The following IGFL2 variants were observed in gnomAD, a reference collection of about 807,000 sequenced individuals.
IGFL2 encodes insulin growth factor-like family member 2.
Under a neutral mutation model 13.9 loss-of-function variants are expected in IGFL2, and 7 were observed. The ratio of observed to expected loss-of-function variants is 0.51; its 90% CI spans 0.29 to 0.95. The LOEUF (loss-of-function observed/expected upper bound fraction) is 0.95, where lower values mean the gene tolerates loss of function less well. Among genes scored for constraint, IGFL2 ranks in the 40% least tolerant of loss-of-function variants. IGFL2 has a pLI of 0.08. For synonymous variants in IGFL2, 55 were observed against 55.8 expected, an observed-to-expected ratio of 0.99 and a Z score of 0.07; for missense variants, 138 against 147.8, an observed-to-expected ratio of 0.93 and a Z score of 0.34.
chr19:46,145,600 A>G (rs2111515), upstream of IGFL2, among the ~76,000 whole-genome samples: 14,481 of 94,258 alleles, frequency 0.15, 1,088 homozygotes, highest in African/African-American at 0.24. Context: ...ACTCATATAT[A>G]TGTGTGTGTG....
chr19:46,161,000 A>T, intron 3 of IGFL2, 70 bp from the exon 4 acceptor site: 4 of 1,541,878 alleles, frequency 2.6e-6, no homozygotes, highest in Non-Finnish European at 3.6e-6. Flanking sequence ...AATCTCTAGC[A>T]GTTTCTCAAA....
At chr19:46,131,818 A>G in the IGFL2 span, among the ~76,000 whole-genome samples, 2 of 152,274 alleles carry the variant, frequency 1.3e-5, no homozygotes, top group South Asian at 4.1e-4. Context: ...CTATGCTTGT[A>G]GTCTCAGCTA....
chr19:46,170,303 T>G, the IGFL2 span, among the ~76,000 whole-genome samples: 4 of 152,174 alleles, frequency 2.6e-5, no homozygotes, highest in Non-Finnish European at 5.9e-5. Context: ...GAACATAAAT[T>G]GTGAAGATTT....
the IGFL2 span, among the ~76,000 whole-genome samples, chr19:46,089,134 T>C: frequency 0.011 from 1,666 of 152,324 alleles, 22 homozygotes; most frequent in African/African-American, 0.036. Flanking sequence ...TTTATTTTTG[T>C]GTTTTTATCT....
chr19:46,163,639 G>T (rs1315294165), downstream of IGFL2, among the ~76,000 whole-genome samples: 1 of 152,200 alleles, frequency 6.6e-6, no homozygotes, highest in African/African-American at 2.4e-5. Context: ...TGGCAGAGGG[G>T]CTTTCAGATG....
intron 1 of IGFL2, among the ~76,000 whole-genome samples, chr19:46,157,451 A>G (rs1213165430): frequency 6.6e-6 from 1 of 152,250 alleles, no homozygotes; most frequent in Non-Finnish European, 1.5e-5. Flanking sequence ...GGCTTATTCC[A>G]GAATGTAAGC....
At chr19:46,099,966 C>G in the IGFL2 span, among the ~76,000 whole-genome samples, 4 of 152,162 alleles carry the variant, frequency 2.6e-5, no homozygotes, top group African/African-American at 9.7e-5. Flanking sequence ...TGTTCTTCAG[C>G]TCCATCGGGT....
the IGFL2 span, among the ~76,000 whole-genome samples, chr19:46,167,709 T>C: frequency 6.6e-6 from 1 of 152,196 alleles, no homozygotes; most frequent in Non-Finnish European, 1.5e-5. Flanking sequence ...GTGGAGCCTC[T>C]AAGGAAGTGC....
At chr19:46,148,089 C>T (rs1973236205), upstream of IGFL2, among the ~76,000 whole-genome samples, 1 of 152,192 alleles carries the variant, frequency 6.6e-6, no homozygotes, top group Non-Finnish European at 1.5e-5. Context: ...GGTCCAGGAA[C>T]ATCTTACTAA....
chr19:46,211,986 A>G, the IGFL2 span: 2 of 152,216 alleles, frequency 1.3e-5, no homozygotes, highest in East Asian at 1.9e-4. Context: ...CACAGTTCCA[A>G]TAAGAGTGTC....
the IGFL2 span, among the ~76,000 whole-genome samples, chr19:46,194,427 CTT>C: frequency 6.6e-6 from 1 of 152,084 alleles, no homozygotes; most frequent in African/African-American, 2.4e-5. Flanking sequence ...AGTCTTCTGA[CTT>C]TGTTTATTTT....
downstream of IGFL2, among the ~76,000 whole-genome samples, chr19:46,161,744 A>G (rs1454909467): frequency 1.3e-5 from 2 of 152,176 alleles, no homozygotes; most frequent in Non-Finnish European, 2.9e-5. Flanking sequence ...AAGACAGCAT[A>G]CCATTGGGTC....
At chr19:46,090,375 C>T in the IGFL2 span, among the ~76,000 whole-genome samples, 1 of 152,180 alleles carries the variant, frequency 6.6e-6, no homozygotes. Flanking sequence ...TTGTTAGTCA[C>T]TGGTGCTTTA....
chr19:46,079,303 G>A, the IGFL2 span, among the ~76,000 whole-genome samples: 1 of 152,256 alleles, frequency 6.6e-6, no homozygotes, highest in African/African-American at 2.4e-5. Flanking sequence ...CCTCTGCAAT[G>A]GTTTGTTTTG....
chr19:46,184,454 T>C, the IGFL2 span, among the ~76,000 whole-genome samples: 1 of 152,210 alleles, frequency 6.6e-6, no homozygotes, highest in South Asian at 2.1e-4. Flanking sequence ...GTGTGTGATG[T>C]TCCCCTCCTT....
chr19:46,107,591 G>T, the IGFL2 span, among the ~76,000 whole-genome samples: 1 of 151,994 alleles, frequency 6.6e-6, no homozygotes, highest in Non-Finnish European at 1.5e-5. Context: ...TGCTAGAAAT[G>T]TGTGGGTGGG....
chr19:46,115,224 A>G, the IGFL2 span, among the ~76,000 whole-genome samples: 1 of 152,106 alleles, frequency 6.6e-6, no homozygotes, highest in African/African-American at 2.4e-5. Flanking sequence ...GCTAAATCTC[A>G]TGACATTCCC....
intron 1 of IGFL2, among the ~76,000 whole-genome samples, chr19:46,153,691 A>C (rs986718843): frequency 1.3e-5 from 2 of 151,964 alleles, no homozygotes; most frequent in African/African-American, 2.4e-5. Flanking sequence ...CTATTTTATT[A>C]GTGCTCTCCA....
the IGFL2 span, among the ~76,000 whole-genome samples, chr19:46,129,347 G>C: frequency 1.4e-5 from 2 of 148,112 alleles, no homozygotes; most frequent in Non-Finnish European, 3.0e-5. Context: ...GTGTGTGTGT[G>C]TGTGTCTCTG....
Sources: gnomAD v4.1 joint callset for allele counts (sites outside exome capture counted in the v4.1 genomes callset) on GRCh38, gnomAD v4.1.1 for gene constraint, MANE v1.5 for transcripts, NCBI Gene and HGNC (gene_info 2026-07-23, HGNC 2026-07-21) for gene names.